Variants in YEATS2 observed in about 807,000 individuals in gnomAD.
YEATS2 encodes YEATS domain containing 2, also known as YEATS domain-containing protein 2.
A neutral mutation model predicts 163.2 loss-of-function variants in YEATS2; 77 were observed. The observed-to-expected ratio is 0.47, with a 90% CI of 0.39 to 0.57. The LOEUF is 0.57. Ranked by LOEUF, YEATS2 falls within the 20% of genes least tolerant of loss-of-function variation. YEATS2 has a pLI of 0.00. For synonymous variants in YEATS2, 631 were observed against 645.1 expected, an observed-to-expected ratio of 0.98 and a Z score of 0.33; for missense variants, 1,549 against 1,729.8, an observed-to-expected ratio of 0.90 and a Z score of 1.85.
chr3:183,706,366 A>G (rs1345274410), intron 1 of YEATS2, among the ~76,000 whole-genome samples: 1 of 152,164 alleles, frequency 6.6e-6, no homozygotes, highest in Non-Finnish European at 1.5e-5. Context: ...TAAGGAATGG[A>G]AATTTGTTCT....
intron 17 of YEATS2, among the ~76,000 whole-genome samples, chr3:183,775,572 C>T (rs183475889): frequency 7.9e-5 from 12 of 152,182 alleles, no homozygotes; most frequent in East Asian, 3.9e-4. Context: ...TCCAGCCTGG[C>T]GACAGAGTGA....
intron 19 of YEATS2, among the ~76,000 whole-genome samples, chr3:183,783,566 C>T (rs531382052): frequency 9.2e-5 from 14 of 152,320 alleles, no homozygotes; most frequent in Admixed American, 3.9e-4. Context: ...TGCCCCATGT[C>T]ATAGTCCTCA....
intron 8 of YEATS2, among the ~76,000 whole-genome samples, chr3:183,745,785 A>G (rs1235746706): frequency 6.6e-6 from 1 of 152,124 alleles, no homozygotes; most frequent in Non-Finnish European, 1.5e-5. Flanking sequence ...TCCATTTAGT[A>G]AAACCTTGAC....
intron 21 of YEATS2, 96 bp downstream of exon 21, chr3:183,791,076 C>G: frequency 3.4e-6 from 5 of 1,478,350 alleles, no homozygotes; most frequent in Non-Finnish European, 3.7e-6. Flanking sequence ...CTCTGTCGCC[C>G]AAGCTAGAGT....
chr3:183,794,088 G>A (rs1724923690), intron 21 of YEATS2, among the ~76,000 whole-genome samples: 1 of 152,202 alleles, frequency 6.6e-6, no homozygotes, highest in Non-Finnish European at 1.5e-5. Context: ...GCTGTGTGGG[G>A]TGTTGGAACT....
chr3:183,732,452 CAAAATAAATAAATAA>C (rs912082818), intron 7 of YEATS2, among the ~76,000 whole-genome samples: 31 of 148,766 alleles, frequency 2.1e-4, no homozygotes, highest in Admixed American at 6.1e-4. Context: ...GACTCTGTCT[CAAAATAAATAAATAA>C]AAAATAAATA....
rs3211095 is a variant in YEATS2 at position 183,790,862 on chromosome 3, G to C, written c.2979G>C (p.Gln993His). The change falls in exon 21 of 31, where the codon CAG becomes CAC. Residue 993 changes from glutamine (Q) to histidine (H), a missense_variant. Physicochemically the swap from Gln to His is conservative, Grantham distance 24. Transcript: ENST00000305135. ...VSSVTKTSGQ[Q>H]QVCVSQATVG... ...CTGTAACGAAAACTTCTGGGCAGCA[G>C]CAAGTGTGTGTGAGCCAGGCCACCG... The C allele has an allele frequency of 3.7e-6, 6 of 1,614,174 alleles. No homozygotes were observed. Among genetic ancestry groups the C allele is most frequent in the Non-Finnish European group, 4.2e-6 (5 of 1,180,040 alleles).
intron 25 of YEATS2, 78 bp downstream of exon 25, chr3:183,801,606 T>G: frequency 8.7e-7 from 1 of 1,144,844 alleles, no homozygotes; most frequent in South Asian, 1.5e-5. Flanking sequence ...TGAAATCACT[T>G]GGGATTGTAA....
At chr3:183,768,840 C>G (rs759555772) in intron 15 of YEATS2, among the ~76,000 whole-genome samples, 1 of 152,070 alleles carries the variant, frequency 6.6e-6, no homozygotes, top group Non-Finnish European at 1.5e-5. Flanking sequence ...GGTGTGGTGG[C>G]GTGTGCCCAT....
At chr3:183,806,189 A>G in intron 27 of YEATS2, 1 of 411,794 alleles carries the variant, frequency 2.4e-6, no homozygotes, top group Non-Finnish European at 4.7e-6. Flanking sequence ...CAAAAATGAT[A>G]TTTTCAACTT....
chr3:183,803,221 C>T, intron 25 of YEATS2, 35 bp from the exon 26 acceptor site: 1 of 1,605,152 alleles, frequency 6.2e-7, no homozygotes, highest in Non-Finnish European at 8.5e-7. Context: ...ATCGTAAGAG[C>T]TTTATTCAGG....
At chr3:183,776,950 C>T (rs912588901) in intron 18 of YEATS2, among the ~76,000 whole-genome samples, 1 of 144,712 alleles carries the variant, frequency 6.9e-6, no homozygotes. Flanking sequence ...GAGACTCTGT[C>T]TCAAAAAAAA....
chr3:183,714,969 T>A (rs1384941810), intron 1 of YEATS2, among the ~76,000 whole-genome samples, 175 bp from the exon 2 acceptor site: 1 of 152,084 alleles, frequency 6.6e-6, no homozygotes, highest in Non-Finnish European at 1.5e-5. Flanking sequence ...AAAAGAAATA[T>A]GTATATGTGT....
chr3:183,766,294 G>A (rs1428975504), intron 15 of YEATS2, among the ~76,000 whole-genome samples: 2 of 152,226 alleles, frequency 1.3e-5, no homozygotes, highest in African/African-American at 4.8e-5. Flanking sequence ...CTAGCACAGA[G>A]CAAGTGCTCA....
At chr3:183,780,000 CTTT>C (rs71298586) in intron 19 of YEATS2, among the ~76,000 whole-genome samples, 2 of 134,810 alleles carry the variant, frequency 1.5e-5, no homozygotes, top group Non-Finnish European at 3.2e-5. Flanking sequence ...CTGGCCTTTA[CTTT>C]TTTTTTTTTT....
intron 7 of YEATS2, among the ~76,000 whole-genome samples, chr3:183,729,968 G>A (rs755287757): frequency 2.0e-5 from 3 of 150,126 alleles, no homozygotes; most frequent in African/African-American, 4.9e-5. Flanking sequence ...GGGATTACAG[G>A]TGTGAGTCAC....
At chr3:183,699,954 A>G (rs1022206418) in intron 1 of YEATS2, among the ~76,000 whole-genome samples, 1 of 152,212 alleles carries the variant, frequency 6.6e-6, no homozygotes, top group Non-Finnish European at 1.5e-5. Context: ...AATGAGTGCA[A>G]ATTAGAAAAA....
intron 15 of YEATS2, among the ~76,000 whole-genome samples, chr3:183,768,373 C>T (rs570698190): frequency 3.0e-4 from 46 of 152,276 alleles, no homozygotes; most frequent in Non-Finnish European, 5.0e-4. Context: ...CAAATGGCCA[C>T]GCCTAGGTCT....
At chr3:183,776,635 G>T (rs900734632) in intron 18 of YEATS2, among the ~76,000 whole-genome samples, 1 of 152,068 alleles carries the variant, frequency 6.6e-6, no homozygotes, top group Non-Finnish European at 1.5e-5. Context: ...ACTTATCCAG[G>T]ATCTTCCTGC....
Sources: gnomAD v4.1 joint callset for allele counts (sites outside exome capture counted in the v4.1 genomes callset) on GRCh38, gnomAD v4.1.1 for gene constraint, MANE v1.5 for transcripts, NCBI Gene and HGNC (gene_info 2026-07-23, HGNC 2026-07-21) for gene names.